Variants in METTL21C observed in about 807,000 individuals in gnomAD.
METTL21C encodes the protein protein-lysine methyltransferase METTL21C.
A neutral mutation model predicts 25.9 loss-of-function variants in METTL21C; 21 were observed. The observed-to-expected ratio is 0.81, with a 90% CI of 0.58 to 1.17. METTL21C has a LOEUF of 1.17. METTL21C is among the 50% of genes most tolerant of loss of function. The probability of loss-of-function intolerance (pLI) is 0.00; values close to 1 mark genes in which losing one functional copy is unlikely to be tolerated. For synonymous variants in METTL21C, 125 were observed against 124.7 expected (o/e 1.00, Z -0.01); for missense variants, 312 against 315.1 (o/e 0.99, Z 0.07).
At position 102,694,679 on chromosome 13, in the gene METTL21C, G is replaced by C. The variant is rs999726146; in HGVS notation, c.-181C>G. ...CCAAAATAATTTTGAATTGTTACAC[G>C]TATCTTTACCTTATGCAGCAGAAGA... On this transcript the variant is annotated 5_prime_UTR_variant, in exon 1 of 4. Transcript: ENST00000267273. 6.6e-6 allele frequency among the ~76,000 whole-genome samples: 1 copy of C among 151,434 alleles called. No homozygotes were observed. Among genetic ancestry groups the C allele is most frequent in the African/African-American group, 2.4e-5 (1 of 41,182 alleles).
upstream of METTL21C, among the ~76,000 whole-genome samples, chr13:102,699,677 A>T (rs681904): frequency 0.39 from 58,591 of 152,028 alleles, 12,899 homozygotes; most frequent in African/African-American, 0.6. Flanking sequence ...ATTTCCAGTG[A>T]GTAATGGAGA....
At chr13:102,702,174 A>AGT in the METTL21C span, among the ~76,000 whole-genome samples, 2 of 150,168 alleles carry the variant, frequency 1.3e-5, no homozygotes, top group South Asian at 2.1e-4. Context: ...AAAAAAAAAA[A>AGT]GTGTGTGTGT....
chr13:102,702,208 TAGAGAG>T, the METTL21C span, among the ~76,000 whole-genome samples: 1 of 134,654 alleles, frequency 7.4e-6, no homozygotes, highest in Non-Finnish European at 1.5e-5. Context: ...TATATATATG[TAGAGAG>T]AGAGAGAGAG....
At chr13:102,697,625 T>C (rs564545774), upstream of METTL21C, among the ~76,000 whole-genome samples, 4 of 152,192 alleles carry the variant, frequency 2.6e-5, no homozygotes, top group African/African-American at 9.6e-5. Flanking sequence ...TGGATTTGCA[T>C]TGATAGAGGG....
At position 102,686,311 on chromosome 13, in the gene METTL21C, C is replaced by T; in HGVS notation, c.515G>A (p.Trp172Ter). The T allele has an allele frequency of 1.2e-6, 2 of 1,614,206 alleles. No individual in the cohort carries two copies. The highest frequency in any genetic ancestry group is 1.1e-5 in the South Asian group (1 of 91,088). Residue 172 changes from tryptophan to a stop codon, truncating the protein, a stop_gained, in exon 4 of 4, where the codon TGG (tryptophan) becomes TAG (stop). Coordinates refer to ENST00000267273, the MANE Select transcript of METTL21C (RefSeq NM_001010977.3). LOFTEE classifies it high-confidence loss of function. The stretch of plus-strand genomic sequence containing the variant: ...AAAGTTTTTGTCCAGGTCTTCCCCC[C>T]ATACCAGTTCTTTCACTTCAGGCAG... ...AHLPEVKELV[W>*]GEDLDKNFPK...
intron 2 of METTL21C, 139 bp downstream of exon 2, chr13:102,690,673 AC>A: frequency 1.1e-6 from 1 of 889,584 alleles, no homozygotes; most frequent in Non-Finnish European, 1.7e-6. Context: ...CTCCACCAAC[AC>A]CCTCCAGGGG....
upstream of METTL21C, among the ~76,000 whole-genome samples, chr13:102,699,974 C>G (rs983735987): frequency 6.6e-6 from 1 of 152,176 alleles, no homozygotes; most frequent in Admixed American, 6.5e-5. Context: ...GCTCTGGTAA[C>G]AATTAAATCC....
chr13:102,686,275 GCT>G lies in METTL21C; in HGVS notation c.549_550del (p.Ala184PhefsTer4). On this transcript the variant is annotated frameshift_variant, in exon 4 of 4. Coordinates refer to ENST00000267273, the MANE Select transcript of METTL21C (RefSeq NM_001010977.3). LOFTEE classifies it high-confidence loss of function. ...GGCTAGGACGTAATCATAGTAAAAA[GCT>G]GACTTGGGAAAGTTTTTGTCCAGGT... 1 of 1,614,198 alleles carries G rather than the reference GCT, an allele frequency of 6.2e-7. No individual in the cohort carries two copies. Among genetic ancestry groups the G allele is most frequent in the African/African-American group, 1.3e-5 (1 of 75,048 alleles).
At chr13:102,695,966 G>A (rs1474061678), upstream of METTL21C, among the ~76,000 whole-genome samples, 1 of 152,118 alleles carries the variant, frequency 6.6e-6, no homozygotes, top group Admixed American at 6.5e-5. Flanking sequence ...ACAAACATAT[G>A]CGTTCATTCT....
intron 2 of METTL21C, 90 bp from the exon 3 acceptor site, chr13:102,687,147 G>T: frequency 2.2e-6 from 2 of 909,046 alleles, no homozygotes; most frequent in East Asian, 2.4e-5. Flanking sequence ...AATACTAAAA[G>T]ACATGTTATT....
chr13:102,686,951 G>A lies in METTL21C; in HGVS notation c.389C>T (p.Ala130Val), dbSNP rs1191152761. ...ATAAACAAACAAACCTAAAATACTGGCCACAATGGAAACAAGGCCTGGTCC... is the reference window on the plus strand; with the variant it reads ...ATAAACAAACAAACCTAAAATACTGACCACAATGGAAACAAGGCCTGGTCC... ...GAGPGLVSIV[A>V]SILGAQVTAT... is the part of the protein sequence containing the mutation. The change falls in exon 3 of 4, where the codon GCC becomes GTC. Residue 130 changes from alanine (A) to valine (V), a missense_variant. Transcript: ENST00000267273. 6.2e-7 allele frequency: 1 copy of A among 1,613,256 alleles called. No individual in the cohort carries two copies. Among genetic ancestry groups the A allele is most frequent in the Non-Finnish European group, 8.5e-7 (1 of 1,179,362 alleles).
chr13:102,694,434 C>A lies in METTL21C; in HGVS notation c.65G>T (p.Gly22Val). ...GRRGEGLSSP[G>V]GWLEAEKKGA... ...CTTCTTCTCAGCCTCTAACCAGCCA[C>A]CCGGGGAGCTGAGTCCTTCCCCCCG... Residue 22 changes from glycine (G) to valine (V), a missense_variant, in exon 1 of 4, where the codon GGT (glycine) becomes GTT (valine). Coordinates refer to ENST00000267273, the MANE Select transcript of METTL21C (RefSeq NM_001010977.3). 1 of 1,466,258 alleles carries A rather than the reference C, an allele frequency of 6.8e-7. No homozygotes were observed. Among genetic ancestry groups the A allele is most frequent in the Non-Finnish European group, 9.0e-7 (1 of 1,115,360 alleles). The allele number at this position is 1,466,258 out of a possible 1,614,324, so 90.8% of individuals were successfully genotyped here. A position where few individuals can be genotyped will look rare whatever the true frequency, so the allele number is the denominator to read the frequency against.
At chr13:102,686,826 T>C in intron 3 of METTL21C, 114 bp downstream of exon 3, 1 of 751,992 alleles carries the variant, frequency 1.3e-6, no homozygotes, top group Non-Finnish European at 2.3e-6. Context: ...TTGGGGAGAG[T>C]CACTGAGTGA....
Position 102,693,373 on chromosome 13 carries a change from G to A in METTL21C, c.130+996C>T, listed in dbSNP as rs142261774. 8.4e-3 allele frequency among the ~76,000 whole-genome samples: 1,276 copies of A among 152,114 alleles called. 16 individuals are homozygous for A. The highest frequency in any genetic ancestry group is 0.029 in the African/African-American group (1,186 of 41,476). On this transcript the variant is annotated intron_variant, in intron 1 of 3. Coordinates refer to ENST00000267273, the MANE Select transcript of METTL21C (RefSeq NM_001010977.3). ...AATTCAGGTGCCAGTACAAGCCGTC[G>A]CCAGCACACCACTGGGTGGTGGCTC...
the METTL21C span, among the ~76,000 whole-genome samples, chr13:102,700,066 A>G: frequency 6.6e-6 from 1 of 152,260 alleles, no homozygotes; most frequent in African/African-American, 2.4e-5. Flanking sequence ...ACTTGCGAAC[A>G]TGGAAAATAT....
At chr13:102,698,110 C>T (rs1346107772), upstream of METTL21C, among the ~76,000 whole-genome samples, 1 of 152,138 alleles carries the variant, frequency 6.6e-6, no homozygotes, top group African/African-American at 2.4e-5. Flanking sequence ...TTTTATATAT[C>T]TGAAAGAATC....
chr13:102,703,845 CT>C, the METTL21C span, among the ~76,000 whole-genome samples: 2 of 152,196 alleles, frequency 1.3e-5, no homozygotes. Flanking sequence ...GATTAAACTT[CT>C]TCCTTCCCTA....
chr13:102,698,489 T>C (rs977573120), upstream of METTL21C, among the ~76,000 whole-genome samples: 1 of 152,140 alleles, frequency 6.6e-6, no homozygotes, highest in Admixed American at 6.5e-5. Flanking sequence ...CCTTATGAAA[T>C]GTTGTTTTCC....
intron 2 of METTL21C, among the ~76,000 whole-genome samples, chr13:102,689,793 G>T (rs893181040): frequency 8.5e-5 from 13 of 152,352 alleles, no homozygotes; most frequent in Admixed American, 2.0e-4. Context: ...AAGGTGGAAA[G>T]AATATTACAT....
Sources: gnomAD v4.1 joint callset for allele counts (sites outside exome capture counted in the v4.1 genomes callset) on GRCh38, gnomAD v4.1.1 for gene constraint, MANE v1.5 for transcripts, NCBI Gene and HGNC (gene_info 2026-07-23, HGNC 2026-07-21) for gene names.